GOLGA8A: variants seen among roughly 807,000 people sequenced by gnomAD.
GOLGA8A encodes golgin subfamily A member 8A.
Under a neutral mutation model 22.1 loss-of-function variants are expected in GOLGA8A, and 3 were observed. The observed-to-expected ratio is 0.14, with a 90% CI of 0.06 to 0.35. The LOEUF (loss-of-function observed/expected upper bound fraction) is 0.35, where lower values mean the gene tolerates loss of function less well. Ranked by LOEUF, GOLGA8A falls within the 10% of genes least tolerant of loss-of-function variation. The pLI, the probability that GOLGA8A is intolerant of heterozygous loss-of-function variation, is 1.00. For missense variants in GOLGA8A, 16 were observed against 233.2 expected, an observed-to-expected ratio of 0.07 and a Z score of 6.07; for synonymous variants, 7 against 91.7, an observed-to-expected ratio of 0.08 and a Z score of 5.28.
intron 2 of GOLGA8A, among the ~76,000 whole-genome samples, chr15:34,421,616 C>T (rs1440624526): frequency 2.1e-5 from 3 of 144,040 alleles, no homozygotes; most frequent in African/African-American, 7.6e-5. Flanking sequence ...GACTTCTAAT[C>T]ATGCCATCTC....
intron 2 of GOLGA8A, among the ~76,000 whole-genome samples, chr15:34,421,691 T>A (rs1892804473): frequency 7.1e-6 from 1 of 141,714 alleles, no homozygotes; most frequent in South Asian, 2.6e-4. Context: ...CCCTTTTTCA[T>A]CACTCGCAAT....
At chr15:34,436,833 G>C (rs780215380) in intron 1 of GOLGA8A, among the ~76,000 whole-genome samples, 2 of 150,022 alleles carry the variant, frequency 1.3e-5, no homozygotes, top group African/African-American at 4.9e-5. Context: ...GGCGCCTGCA[G>C]CCCAGGGGCA....
intron 2 of GOLGA8A, among the ~76,000 whole-genome samples, chr15:34,424,724 C>A (rs1411698197): frequency 1.6e-4 from 21 of 130,964 alleles, no homozygotes; most frequent in Non-Finnish European, 3.2e-4. Context: ...CTCTCCCCAC[C>A]CCCAACCCCC....
chr15:34,434,523 C>G (rs1415740888), intron 2 of GOLGA8A, among the ~76,000 whole-genome samples: 1 of 149,052 alleles, frequency 6.7e-6, no homozygotes, highest in East Asian at 2.0e-4. Flanking sequence ...CGACAGTGCC[C>G]ATGACAGCTG....
At chr15:34,403,292 CTG>C (rs1306709466) in intron 5 of GOLGA8A, among the ~76,000 whole-genome samples, 1 of 88,356 alleles carries the variant, frequency 1.1e-5, no homozygotes, top group African/African-American at 4.6e-5. Flanking sequence ...CATTGACACA[CTG>C]AGAAACACGT....
intron 1 of GOLGA8A, among the ~76,000 whole-genome samples, chr15:34,437,141 G>A (rs966186561): frequency 7.5e-5 from 11 of 147,166 alleles, no homozygotes; most frequent in African/African-American, 1.8e-4. Context: ...GAAAGCCATC[G>A]CCTAGTCCCC....
rs933296147 is a variant in GOLGA8A, at chr15:34,429,982, A to C, written c.-1123+5401T>G. Among the ~76,000 whole-genome samples, 9 of 148,048 alleles carry C rather than the reference A, an allele frequency of 6.1e-5. 1 individual carries two copies. In the Admixed American group the frequency reaches 6.2e-4, roughly 10 times the overall value. On this transcript the variant is annotated intron_variant, in intron 2 of 24. Transcript: ENST00000359187. ...CGGGGTTGCCAAAGTGAGGAGTGGGAATGCTGCCAGTCCAGGGGTCCCCCA... is the reference window on the plus strand; with the variant it reads ...CGGGGTTGCCAAAGTGAGGAGTGGGCATGCTGCCAGTCCAGGGGTCCCCCA...
At position 34,428,582 on chromosome 15, in the gene GOLGA8A, C is replaced by G. The variant is rs1432066967; in HGVS notation, c.-1123+6801G>C. On this transcript the variant is annotated intron_variant, in intron 2 of 24. Transcript: ENST00000359187. ...ACACCATGCTAGTGAGAAAAACAGA[C>G]TGCCTGCAGCTCCAAAACATACAGC... is the stretch of plus-strand genomic sequence containing the variant. 2 of 148,762 alleles carry G rather than the reference C, an allele frequency of 1.3e-5. 1 individual carries two copies. Among genetic ancestry groups the G allele is most frequent in the Non-Finnish European group, 3.0e-5 (2 of 67,052 alleles). The allele number at this position is 148,762 out of a possible 1,614,324, so 9.2% of individuals were successfully genotyped here.
In GOLGA8A at chr15:34,433,194, A is replaced by T. The variant is rs111733020; in HGVS notation, c.-1123+2189T>A. On this transcript the variant is annotated intron_variant, in intron 2 of 24. Coordinates refer to ENST00000359187, the MANE Select transcript of GOLGA8A (RefSeq NM_181077.5). ...CACACGCAGGAGAGAGTCAGGCAGG[A>T]GGAGGCTTCTGGAAGGGAAAGCAGA... Among the ~76,000 whole-genome samples, 13 of 148,000 alleles carry T rather than the reference A, an allele frequency of 8.8e-5. 1 individual carries two copies. Among genetic ancestry groups the T allele is most frequent in the African/African-American group, 3.2e-4 (13 of 40,238 alleles).
Position 34,380,420 on chromosome 15 carries a change from G to T in GOLGA8A, c.*991C>A, listed in dbSNP as rs975631055. On this transcript the variant is annotated 3_prime_UTR_variant, in exon 25 of 25. Transcript: ENST00000359187. ...TTATGATCTTCACTAAATACATTAAGAAGAATGCCAACCAGCGCCCTTTCG... is the reference window on the plus strand; with the variant it reads ...TTATGATCTTCACTAAATACATTAATAAGAATGCCAACCAGCGCCCTTTCG... The T allele has an allele frequency of 6.6e-6, 1 of 152,220 alleles. No individual in the cohort carries two copies. The highest frequency in any genetic ancestry group is 1.5e-5 in the Non-Finnish European group (1 of 68,040). 9.4% of individuals were successfully genotyped at this position (152,220 alleles called of 1,614,324 possible).
chr15:34,430,621 GGT>G (rs1893184829), intron 2 of GOLGA8A, among the ~76,000 whole-genome samples: 1 of 149,414 alleles, frequency 6.7e-6, no homozygotes, highest in African/African-American at 2.5e-5. Flanking sequence ...AGAGGCTGGA[GGT>G]AGTGCCAGGT....
chr15:34,405,944 G>GA lies in GOLGA8A; in HGVS notation c.-714+729dup, dbSNP rs1280864591. On this transcript the variant is annotated intron_variant, in intron 4 of 24. Coordinates refer to ENST00000359187, the MANE Select transcript of GOLGA8A (RefSeq NM_181077.5). ...GCGGAGTGGGGAAGTCCAGATTGGG[G>GA]AATGTGATGTTTCATTATAAGGTCT... 4.8e-4 allele frequency among the ~76,000 whole-genome samples: 66 copies of GA among 136,526 alleles called. 1 individual carries two copies. Among genetic ancestry groups the GA allele is most frequent in the African/African-American group, 1.6e-3 (62 of 38,052 alleles). 89.6% of individuals were successfully genotyped at this position (136,526 alleles called of 152,430 possible).
chr15:34,431,476 TGTGAGA>T (rs1169201882), intron 2 of GOLGA8A, among the ~76,000 whole-genome samples: 2 of 147,706 alleles, frequency 1.4e-5, no homozygotes, highest in African/African-American at 5.0e-5. Context: ...ATTTCATCAT[TGTGAGA>T]ACATCATAGA....
At chr15:34,429,593 TG>T (rs773307298) in intron 2 of GOLGA8A, among the ~76,000 whole-genome samples, 9 of 149,146 alleles carry the variant, frequency 6.0e-5, no homozygotes, top group Non-Finnish European at 1.3e-4. Context: ...AGAGCCAGAA[TG>T]GGGCTCTGAT....
rs1883290236 is a variant in GOLGA8A, at chr15:34,432,646, T to TG, written c.-1123+2736dup. On this transcript the variant is annotated intron_variant, in intron 2 of 24. Transcript: ENST00000359187. ...CGCCATCAAAACCATCTTTAAATGTTGGAGTGTTTCCGTTTCCAGACAACT... is the reference window on the plus strand; with the variant it reads ...CGCCATCAAAACCATCTTTAAATGTTGGGAGTGTTTCCGTTTCCAGACAACT... Among the ~76,000 whole-genome samples, 2 of 149,584 alleles carry TG rather than the reference T, an allele frequency of 1.3e-5. 1 individual carries two copies. The highest frequency in any genetic ancestry group is 4.3e-4 in the South Asian group (2 of 4,684).
rs1893338616 is a variant in GOLGA8A, at chr15:34,433,270, G to A, written c.-1123+2113C>T. Among the ~76,000 whole-genome samples the A allele has an allele frequency of 1.3e-5, 2 of 149,290 alleles. 1 individual carries two copies. Among genetic ancestry groups the A allele is most frequent in the South Asian group, 4.3e-4 (2 of 4,644 alleles). On this transcript the variant is annotated intron_variant, in intron 2 of 24. Transcript: ENST00000359187. ...CTGACATTAGGTACAGGACAAGTTT[G>A]GAAAGATCCAGATGGAGCGGGAAGG... is the stretch of plus-strand genomic sequence containing the variant.
At chr15:34,423,162 C>A (rs1320979538) in intron 2 of GOLGA8A, among the ~76,000 whole-genome samples, 1 of 125,022 alleles carries the variant, frequency 8.0e-6, no homozygotes, top group Non-Finnish European at 1.8e-5. Flanking sequence ...TCGAACCTTC[C>A]TGGGCCTGGA....
chr15:34,426,214 A>G (rs171200), intron 2 of GOLGA8A, among the ~76,000 whole-genome samples: 13,817 of 149,520 alleles, frequency 0.092, 1,735 homozygotes, highest in South Asian at 0.25. Context: ...AGTTCAATAA[A>G]TAAACAGTCA....
chr15:34,436,863 A>G (rs1402137642), intron 1 of GOLGA8A, among the ~76,000 whole-genome samples: 2 of 149,418 alleles, frequency 1.3e-5, no homozygotes, highest in Admixed American at 6.7e-5. Context: ...GGGGTTTTTG[A>G]GTTTTTCCCT....
Sources: allele counts gnomAD v4.1 joint callset (sites outside exome capture counted in the v4.1 genomes callset), GRCh38; gene constraint gnomAD v4.1.1; transcripts MANE v1.5; gene names NCBI Gene and HGNC (gene_info 2026-07-23, HGNC 2026-07-21).